KHDRBS1: variants seen among roughly 807,000 people sequenced by gnomAD.
KHDRBS1 encodes the protein KH RNA binding domain containing, signal transduction associated 1.
A neutral mutation model predicts 48.4 loss-of-function variants in KHDRBS1; 7 were observed. That is an observed-to-expected ratio of 0.14 (90% CI 0.08 to 0.27). The LOEUF (loss-of-function observed/expected upper bound fraction) is 0.27. KHDRBS1 is among the 10% of genes least tolerant of loss of function. The pLI is 1.00. For synonymous variants in KHDRBS1, 241 were observed against 235.8 expected (o/e 1.02, Z -0.20); for missense variants, 458 against 601.2 (o/e 0.76, Z 2.49).
Position 32,042,616 on chromosome 1 carries a change from CGT to C in KHDRBS1, c.1325_1326del (p.Arg442LeufsTer13), listed in dbSNP as rs1557898559. 1 of 1,600,558 alleles carries C rather than the reference CGT, an allele frequency of 6.2e-7. No homozygotes were observed. Among genetic ancestry groups the C allele is most frequent in the Non-Finnish European group, 8.6e-7 (1 of 1,168,056 alleles). On this transcript the variant is annotated frameshift_variant, in exon 9 of 9. Coordinates refer to ENST00000327300, the MANE Select transcript of KHDRBS1 (RefSeq NM_006559.3). LOFTEE classifies it high-confidence loss of function. ...AGCATACAGAGAGCACCCATATGGACGTTATTAAAAACAAACATGAGGGGAAA... is the reference window on the plus strand; with the variant it reads ...AGCATACAGAGAGCACCCATATGGACTATTAAAAACAAACATGAGGGGAAA... ...KGAYREHPYG[R>X]Y
chr1:32,046,315 G>T (rs1325785195), downstream of KHDRBS1, among the ~76,000 whole-genome samples: 1 of 152,034 alleles, frequency 6.6e-6, no homozygotes. Flanking sequence ...CTGGGTTCAA[G>T]CAATTCTCCT....
intron 10 of KHDRBS1, among the ~76,000 whole-genome samples, chr1:32,053,020 G>A (rs969967391): frequency 6.6e-6 from 1 of 150,616 alleles, no homozygotes; most frequent in African/African-American, 2.4e-5. Context: ...AGATGTGGTG[G>A]TGCACGCCTG....
In KHDRBS1 at chr1:32,014,389, T is replaced by C; in HGVS notation, c.382+12T>C. ...GCTGCTGACGGCAGGTAAGGGGGCC[T>C]CCCGTGTCCCTCTGGGTCGCCCGGC... On this transcript the variant is annotated intron_variant, in intron 1 of 8. Coordinates refer to ENST00000327300, the MANE Select transcript of KHDRBS1 (RefSeq NM_006559.3). 1 of 1,364,514 alleles carries C rather than the reference T, an allele frequency of 7.3e-7. No homozygotes were observed. The highest frequency in any genetic ancestry group is 1.9e-5 in the South Asian group (1 of 53,620). 84.5% of individuals were successfully genotyped at this position (1,364,514 alleles called of 1,614,324 possible).
In KHDRBS1 at chr1:32,043,632, C is replaced by G. The variant is rs1639321939; in HGVS notation, c.*1008C>G. 6.6e-6 allele frequency: 1 copy of G among 152,552 alleles called. No individual in the cohort carries two copies. The allele number at this position is 152,552 out of a possible 1,614,324, so 9.4% of individuals were successfully genotyped here. A position where few individuals can be genotyped will look rare whatever the true frequency, so the allele number is the denominator to read the frequency against. ...ACGGTTGTCAATATATCGAACTGTTCCCAAGTTAGTCAAGTATGTCTCAAC... is the reference window on the plus strand; with the variant it reads ...ACGGTTGTCAATATATCGAACTGTTGCCAAGTTAGTCAAGTATGTCTCAAC... On this transcript the variant is annotated 3_prime_UTR_variant, in exon 9 of 9. Coordinates refer to ENST00000327300, the MANE Select transcript of KHDRBS1 (RefSeq NM_006559.3).
At chr1:32,053,547 T>C (rs1055947083) in intron 10 of KHDRBS1, among the ~76,000 whole-genome samples, 3 of 152,144 alleles carry the variant, frequency 2.0e-5, no homozygotes, top group African/African-American at 7.2e-5. Context: ...TGGGCCACCA[T>C]GCCCACTTGA....
At position 32,037,901 on chromosome 1, in the gene KHDRBS1, C is replaced by T. The variant is rs779293208; in HGVS notation, c.972C>T (p.Thr324=). 5.6e-6 allele frequency: 9 copies of T among 1,614,246 alleles called. No individual in the cohort carries two copies. In the South Asian group the frequency reaches 9.9e-5, roughly 18 times the overall value. The change falls in exon 6 of 9, where the codon ACC becomes ACT. Residue 324 remains threonine, a synonymous_variant. Coordinates refer to ENST00000327300, the MANE Select transcript of KHDRBS1 (RefSeq NM_006559.3). ...VRGTPVRGAI[T]RGATVTRGVP... ...GTACACCAGTAAGGGGAGCCATCAC[C>T]AGAGGTGCCACTGTGACTCGAGGCG... is the stretch of plus-strand genomic sequence containing the variant.
Position 32,043,175 on chromosome 1 carries a change from A to G in KHDRBS1, c.*551A>G, listed in dbSNP as rs1486729299. On this transcript the variant is annotated 3_prime_UTR_variant, in exon 9 of 9. Transcript: ENST00000327300. ...AAGTGAGCTCAGACGTCTCTAAAAA[A>G]TGTTTCCTTTATAAAAGCACATGGC... 1 of 152,624 alleles carries G rather than the reference A, an allele frequency of 6.6e-6. No homozygotes were observed. The highest frequency in any genetic ancestry group is 2.4e-5 in the African/African-American group (1 of 41,458). The allele number at this position is 152,624 out of a possible 1,614,324, so 9.5% of individuals were successfully genotyped here. A position where few individuals can be genotyped will look rare whatever the true frequency, so the allele number is the denominator to read the frequency against.
At chr1:32,025,541 T>C (rs1280305976) in intron 1 of KHDRBS1, among the ~76,000 whole-genome samples, 1 of 150,980 alleles carries the variant, frequency 6.6e-6, no homozygotes, top group African/African-American at 2.4e-5. Flanking sequence ...CCTCAGGTGA[T>C]CCACCCGCCT....
intron 1 of KHDRBS1, 111 bp downstream of exon 1, chr1:32,014,488 TC>T: frequency 1.9e-6 from 2 of 1,067,658 alleles, no homozygotes. Context: ...AGTCGGGAGT[TC>T]CGGTCTCATC....
chr1:32,048,525 A>G (rs1639381794), downstream of KHDRBS1, among the ~76,000 whole-genome samples: 1 of 152,192 alleles, frequency 6.6e-6, no homozygotes. Context: ...CCAATAAAAT[A>G]CATTTGCTGC....
intron 1 of KHDRBS1, among the ~76,000 whole-genome samples, chr1:32,022,232 C>T (rs1035755190): frequency 1.3e-5 from 2 of 151,036 alleles, no homozygotes; most frequent in Non-Finnish European, 3.0e-5. Context: ...AGGATAGTCT[C>T]GATCTCCTGC....
rs1051412761 is a variant in KHDRBS1, at chr1:32,038,260, A to C, written c.1107+224A>C. 2.6e-5 allele frequency: 19 copies of C among 721,846 alleles called. No homozygotes were observed. In the African/African-American group the frequency reaches 3.4e-4, roughly 13 times the overall value. 44.7% of individuals were successfully genotyped at this position (721,846 alleles called of 1,614,324 possible). A position where few individuals can be genotyped will look rare whatever the true frequency, so the allele number is the denominator to read the frequency against. ...TTAAACAAGAAATAAAATGTACTTT[A>C]ATGTAGTATTTTATAATGAATTTCT... On this transcript the variant is annotated intron_variant, in intron 6 of 8. Coordinates refer to ENST00000327300, the MANE Select transcript of KHDRBS1 (RefSeq NM_006559.3).
At chr1:32,020,964 AT>A (rs989114509) in intron 1 of KHDRBS1, among the ~76,000 whole-genome samples, 4 of 151,426 alleles carry the variant, frequency 2.6e-5, no homozygotes, top group Admixed American at 2.0e-4. Flanking sequence ...TCAATTGTTA[AT>A]TTTTTTTCCA....
At chr1:32,041,341 GC>G (rs1639279669) in intron 8 of KHDRBS1, among the ~76,000 whole-genome samples, 1 of 152,214 alleles carries the variant, frequency 6.6e-6, no homozygotes, top group East Asian at 1.9e-4. Context: ...AGAGATGGAG[GC>G]AGATACTTGT....
intron 6 of KHDRBS1, chr1:32,038,265 A>T (rs1639221996): frequency 1.4e-6 from 1 of 717,874 alleles, no homozygotes; most frequent in Admixed American, 3.0e-5. Flanking sequence ...ACTTTAATGT[A>T]GTATTTTATA....
chr1:32,045,103 C>A (rs1158256261), downstream of KHDRBS1, among the ~76,000 whole-genome samples: 1 of 152,130 alleles, frequency 6.6e-6, no homozygotes, highest in Non-Finnish European at 1.5e-5. Flanking sequence ...GATTAGACCT[C>A]CTGCTGCACC....
chr1:32,018,094 T>G (rs1449213990), intron 1 of KHDRBS1, among the ~76,000 whole-genome samples: 1 of 152,186 alleles, frequency 6.6e-6, no homozygotes, highest in Non-Finnish European at 1.5e-5. Flanking sequence ...TTCCTTTATT[T>G]ACAGTATTCT....
chr1:32,056,075 A>G (rs1639476695), intron 10 of KHDRBS1, among the ~76,000 whole-genome samples: 1 of 152,120 alleles, frequency 6.6e-6, no homozygotes, highest in South Asian at 2.1e-4. Context: ...CCGTGCTGCT[A>G]AGGTTTAGCT....
At chr1:32,053,604 CAA>C (rs1639448044) in intron 10 of KHDRBS1, among the ~76,000 whole-genome samples, 1 of 152,148 alleles carries the variant, frequency 6.6e-6, no homozygotes, top group African/African-American at 2.4e-5. Context: ...AAGCCGGACT[CAA>C]ACTCCTGGCC....
Sources: gnomAD v4.1 joint callset for allele counts (sites outside exome capture counted in the v4.1 genomes callset) on GRCh38, gnomAD v4.1.1 for gene constraint, MANE v1.5 for transcripts, NCBI Gene and HGNC (gene_info 2026-07-23, HGNC 2026-07-21) for gene names.